SLC30A3: variants seen among roughly 807,000 people sequenced by gnomAD.
SLC30A3 encodes probable proton-coupled zinc antiporter SLC30A3.
Under a neutral mutation model 35.6 loss-of-function variants are expected in SLC30A3, and 20 were observed. The observed-to-expected ratio is 0.56, with a 90% CI of 0.39 to 0.82. SLC30A3 has a LOEUF of 0.82. SLC30A3 is among the 40% of genes least tolerant of loss of function. The pLI, the probability that SLC30A3 is intolerant of heterozygous loss-of-function variation, is 0.00. For missense variants in SLC30A3, 401 were observed against 530.6 expected (o/e 0.76, Z 2.40); for synonymous variants, 217 against 224.7 (o/e 0.97, Z 0.31).
chr2:27,275,400 C>T (rs1677971034), upstream of SLC30A3: 2 of 388,708 alleles, frequency 5.1e-6, no homozygotes, highest in South Asian at 4.0e-5. Context: ...GGCCTCCCCA[C>T]CCAGTGCTTC....
intron 1 of SLC30A3, among the ~76,000 whole-genome samples, chr2:27,273,739 T>C (rs543608324): frequency 6.6e-6 from 1 of 151,834 alleles, no homozygotes; most frequent in Non-Finnish European, 1.5e-5. Flanking sequence ...ACAGATGGAC[T>C]CCTTAGTTCG....
upstream of SLC30A3, chr2:27,263,333 C>A (rs1245278195): frequency 2.1e-6 from 1 of 468,172 alleles, no homozygotes; most frequent in Non-Finnish European, 4.4e-6. Flanking sequence ...AGCCCAAGAA[C>A]CTCACGACCA....
In SLC30A3 at chr2:27,258,909, G is replaced by T. The variant is rs1159847693; in HGVS notation, c.121C>A (p.Leu41Ile). Residue 41 changes from leucine (L) to isoleucine (I), a missense_variant, in exon 2 of 8, where the codon CTC becomes ATC. By Grantham distance (5) the Leu-to-Ile change is conservative (BLOSUM62 2). Coordinates refer to ENST00000233535, the MANE Select transcript of SLC30A3 (RefSeq NM_003459.5). This position sits in a 1 kb window ranked among gnomAD's most constrained non-coding sequence, Gnocchi z 4.0. ...KSLFTEPSEP[L>I]PEESKPVEMP... ...TCCACAGGTTTGGACTCCTCAGGGAGGGGCTCTGAGGGCTCTGTGAAGAGA... is the reference window on the plus strand; with the variant it reads ...TCCACAGGTTTGGACTCCTCAGGGATGGGCTCTGAGGGCTCTGTGAAGAGA... The T allele has an allele frequency of 6.2e-7, 1 of 1,605,298 alleles. No homozygotes were observed. The highest frequency in any genetic ancestry group is 8.5e-7 in the Non-Finnish European group (1 of 1,175,722).
chr2:27,258,142 G>C lies in SLC30A3; in HGVS notation c.424+19C>G. On this transcript the variant is annotated intron_variant, in intron 3 of 7. Coordinates refer to ENST00000233535, the MANE Select transcript of SLC30A3 (RefSeq NM_003459.5). This position sits in a 1 kb window ranked among gnomAD's most constrained non-coding sequence, Gnocchi z 4.0. The stretch of plus-strand genomic sequence containing the variant: ...CTCTGGCAAGATTGGAGAGTCACTG[G>C]GCCATGCAGGGGCCTTACCTGAACG... The C allele has an allele frequency of 6.2e-7, 1 of 1,600,844 alleles. No individual in the cohort carries two copies. Among genetic ancestry groups the C allele is most frequent in the Non-Finnish European group, 8.5e-7 (1 of 1,170,750 alleles).
At chr2:27,263,166 C>T (rs984622127), upstream of SLC30A3, 2 of 1,250,262 alleles carry the variant, frequency 1.6e-6, no homozygotes, top group Non-Finnish European at 2.1e-6. Flanking sequence ...TAAGCCCCGC[C>T]CCCACTGCCA....
chr2:27,264,623 G>A (rs1484318822), upstream of SLC30A3, among the ~76,000 whole-genome samples: 1 of 152,216 alleles, frequency 6.6e-6, no homozygotes, highest in Non-Finnish European at 1.5e-5. This position sits in a 1 kb window ranked among gnomAD's most constrained non-coding sequence, Gnocchi z 6.1. Flanking sequence ...ACCCCCGGCT[G>A]CGCCAGCCTC....
chr2:27,263,209 C>T, upstream of SLC30A3: 1 of 858,852 alleles, frequency 1.2e-6, no homozygotes, highest in Admixed American at 3.8e-5. Flanking sequence ...AGCCCGGGAG[C>T]GCCCCGCCAC....
chr2:27,263,973 T>C (rs1462950251), upstream of SLC30A3: 9 of 1,179,100 alleles, frequency 7.6e-6, no homozygotes, highest in African/African-American at 1.6e-5. Flanking sequence ...CTGCCTCATT[T>C]GGGGGAAACT....
chr2:27,265,370 G>A (rs556082860), upstream of SLC30A3, among the ~76,000 whole-genome samples: 1 of 152,228 alleles, frequency 6.6e-6, no homozygotes, highest in African/African-American at 2.4e-5. This position sits in a 1 kb window ranked among gnomAD's most constrained non-coding sequence, Gnocchi z 5.9. Flanking sequence ...AAAGCTTGGC[G>A]GCGAAACAGG....
At position 27,257,205 on chromosome 2, in the gene SLC30A3, G is replaced by A; in HGVS notation, c.726C>T (p.Asp242=). The A allele has an allele frequency of 1.2e-6, 2 of 1,614,052 alleles. No homozygotes were observed. The highest frequency in any genetic ancestry group is 4.5e-5 in the East Asian group (2 of 44,874). ...CCAGTACCCCAAAGCTCTGCAGGAG[G>A]TCCCCCAGCACGTGCACAAATGCCG... is the stretch of plus-strand genomic sequence containing the variant. ...VRAAFVHVLG[D]LLQSFGVLAA... is the part of the protein sequence containing the mutation. Residue 242 remains aspartate, a synonymous_variant, in exon 5 of 8, where the codon GAC becomes GAT. Transcript: ENST00000233535. This position sits in a 1 kb window ranked among gnomAD's most constrained non-coding sequence, Gnocchi z 4.7.
chr2:27,275,319 C>G lies in SLC30A3; in HGVS notation c.-301G>C, dbSNP rs899992749. ...CCTGGCAGCAACGCTCCTACGCTGC[C>G]TTGGGCCGCAGGCCTGCTAAGCCCT... On this transcript the variant is annotated 5_prime_UTR_variant, in exon 1 of 6. Coordinates refer to the SLC30A3 transcript ENST00000424577. 8 of 861,936 alleles carry G rather than the reference C, an allele frequency of 9.3e-6. No homozygotes were observed. The South Asian group carries it at 1.1e-4, about 12-fold the overall frequency. The allele number at this position is 861,936 out of a possible 1,614,324, so 53.4% of individuals were successfully genotyped here.
intron 1 of SLC30A3, among the ~76,000 whole-genome samples, chr2:27,272,563 G>A (rs574045342): frequency 2.0e-5 from 3 of 149,420 alleles, no homozygotes; most frequent in Admixed American, 6.7e-5. Flanking sequence ...GCACGATCTC[G>A]GCTCACTGCA....
chr2:27,270,909 A>G (rs1677702976), intron 1 of SLC30A3, among the ~76,000 whole-genome samples: 1 of 152,144 alleles, frequency 6.6e-6, no homozygotes, highest in East Asian at 1.9e-4. Flanking sequence ...GACATCACCC[A>G]TGAGAGGATG....
intron 1 of SLC30A3, among the ~76,000 whole-genome samples, chr2:27,269,208 C>CTTTT (rs368309600): frequency 1.6e-5 from 2 of 127,914 alleles, no homozygotes; most frequent in African/African-American, 5.7e-5. Context: ...CTTTTTCTTT[C>CTTTT]TTTTTTTTTT....
At chr2:27,260,458 G>A (rs1276788212) in intron 1 of SLC30A3, among the ~76,000 whole-genome samples, 7 of 152,154 alleles carry the variant, frequency 4.6e-5, no homozygotes, top group African/African-American at 1.2e-4. Context: ...GCTGAGTGAG[G>A]TCAGGCTGAG....
In SLC30A3 at chr2:27,271,222, G is replaced by C. The variant is rs1420545974; in HGVS notation, c.-159+3955C>G. On this transcript the variant is annotated intron_variant, in intron 1 of 5. Coordinates refer to the SLC30A3 transcript ENST00000424577. The surrounding 1 kb of genome is among the most constrained non-coding windows in gnomAD (Gnocchi z 4.3). ...CCCACTGCATATGTTCCAGAGCGTG[G>C]TATTTTGGGTATAAATATGCCAATG... 3.3e-5 allele frequency among the ~76,000 whole-genome samples: 5 copies of C among 152,156 alleles called. No individual in the cohort carries two copies. The highest frequency in any genetic ancestry group is 6.6e-5 in the Admixed American group (1 of 15,266).
In SLC30A3 at chr2:27,254,837, C is replaced by A. The variant is rs574895205; in HGVS notation, c.*475G>T. The stretch of plus-strand genomic sequence containing the variant: ...AGGGCTAAGACACACGGACAAAGTG[C>A]GGGCTTTGGGGCCCCTGCATAGACA... On this transcript the variant is annotated 3_prime_UTR_variant, in exon 8 of 8. Coordinates refer to ENST00000233535, the MANE Select transcript of SLC30A3 (RefSeq NM_003459.5). 1.3e-5 allele frequency: 4 copies of A among 298,290 alleles called. No homozygotes were observed. Among genetic ancestry groups the A allele is most frequent in the East Asian group, 9.8e-5 (1 of 10,234 alleles). 18.5% of individuals were successfully genotyped at this position (298,290 alleles called of 1,614,324 possible). A position where few individuals can be genotyped will look rare whatever the true frequency, so the allele number is the denominator to read the frequency against.
upstream of SLC30A3, chr2:27,263,215 G>T: frequency 1.5e-6 from 1 of 662,206 alleles, no homozygotes; most frequent in Non-Finnish European, 2.0e-6. Flanking sequence ...GGAGCGCCCC[G>T]CCACCCGAGT....
chr2:27,272,049 CAA>C (rs1677745921), intron 1 of SLC30A3, among the ~76,000 whole-genome samples: 1 of 152,110 alleles, frequency 6.6e-6, no homozygotes, highest in African/African-American at 2.4e-5. Flanking sequence ...TGTGAGGATC[CAA>C]AGAGATAATT....
Sources: allele counts gnomAD v4.1 joint callset (sites outside exome capture counted in the v4.1 genomes callset), GRCh38; gene constraint gnomAD v4.1.1; non-coding constraint Gnocchi (gnomAD v3.1); transcripts MANE v1.5; gene names NCBI Gene and HGNC (gene_info 2026-07-23, HGNC 2026-07-21).